SYN2: variants seen among roughly 807,000 people sequenced by gnomAD.
The protein encoded by SYN2 is synapsin II.
A neutral mutation model predicts 50.9 loss-of-function variants in SYN2; 19 were observed. The observed-to-expected ratio is 0.37, with a 90% confidence interval of 0.26 to 0.55. The LOEUF is 0.55. Ranked by LOEUF, SYN2 falls within the 20% of genes least tolerant of loss-of-function variation. SYN2 has a pLI of 0.81. For missense variants in SYN2, 587 were observed against 576.4 expected, an observed-to-expected ratio of 1.02 and a Z score of -0.19; for synonymous variants, 255 against 224.9, an observed-to-expected ratio of 1.13 and a Z score of -1.20.
intron 11 of SYN2, chr3:12,185,667 G>GTACC: frequency 1.0e-6 from 1 of 985,832 alleles, no homozygotes; most frequent in Non-Finnish European, 1.2e-6. Context: ...TATGATTGAA[G>GTACC]TACCTCTCTT....
chr3:12,079,402 A>G (rs746137386), intron 1 of SYN2, among the ~76,000 whole-genome samples: 1 of 152,162 alleles, frequency 6.6e-6, no homozygotes. Context: ...GAATGCTTAC[A>G]GCTTTTGCCC....
At chr3:12,061,792 G>GA (rs1176563997) in intron 1 of SYN2, among the ~76,000 whole-genome samples, 1 of 151,740 alleles carries the variant, frequency 6.6e-6, no homozygotes, top group African/African-American at 2.4e-5. Flanking sequence ...CACAAAAAAA[G>GA]AAAAAAGTAC....
At chr3:12,158,888 G>A (rs747781934) in intron 5 of SYN2, 144 of 1,475,860 alleles carry the variant, frequency 9.8e-5, no homozygotes, top group African/African-American at 4.2e-4. Flanking sequence ...GGGACTGGAC[G>A]GCCCCAGCAG....
intron 5 of SYN2, among the ~76,000 whole-genome samples, chr3:12,156,201 T>C (rs1697452533): frequency 6.6e-6 from 1 of 152,232 alleles, no homozygotes; most frequent in Non-Finnish European, 1.5e-5. Flanking sequence ...TTCTAAATAT[T>C]GTTTTATGTT....
rs775963520 is a variant in SYN2, at chr3:12,187,469, CTCT to C, written c.1476_1478del (p.Ser496del). Reference sequence around the variant, plus strand: ...CACTGCCACCTTCCTCCTCTTCCTCCTCTTCTTCCTCCTCCTCGGCTCCTCAGC... The same window carrying C: ...CACTGCCACCTTCCTCCTCTTCCTCCTCTTCCTCCTCCTCGGCTCCTCAGC... On this transcript the variant is annotated inframe_deletion, in exon 12 of 13. Coordinates refer to ENST00000621198, the MANE Select transcript of SYN2 (RefSeq NM_133625.6). 2.3e-5 allele frequency: 32 copies of C among 1,402,066 alleles called. No individual in the cohort carries two copies. The highest frequency in any genetic ancestry group is 2.8e-5 in the Non-Finnish European group (29 of 1,021,326). The allele number at this position is 1,402,066 out of a possible 1,614,324, so 86.9% of individuals were successfully genotyped here.
intron 11 of SYN2, chr3:12,185,724 C>T (rs998789130): frequency 2.0e-6 from 2 of 985,838 alleles, no homozygotes; most frequent in Non-Finnish European, 2.4e-6. Flanking sequence ...AAAGTTATAT[C>T]TGTCTTCAGT....
rs572383504 is a variant in SYN2 at position 12,074,418 on chromosome 3, A to G, written c.378-66233A>G. Among the ~76,000 whole-genome samples the G allele has an allele frequency of 2.0e-5, 3 of 152,190 alleles. No individual in the cohort carries two copies. In the East Asian group the frequency reaches 5.8e-4, roughly 29 times the overall value. The stretch of plus-strand genomic sequence containing the variant: ...CTTTCCTGCCTTCTACCAGATTGCA[A>G]GCCCTCCCACTCTTTTTTCAGTCCA... On this transcript the variant is annotated intron_variant, in intron 1 of 12. Coordinates refer to ENST00000621198, the MANE Select transcript of SYN2 (RefSeq NM_133625.6).
chr3:12,072,521 A>G (rs1420858524), intron 1 of SYN2, among the ~76,000 whole-genome samples: 2 of 152,206 alleles, frequency 1.3e-5, no homozygotes, highest in African/African-American at 4.8e-5. Context: ...ATAGTGGTCT[A>G]AATTCATTAT....
chr3:12,099,613 ATAACC>A (rs1293135420), intron 1 of SYN2, among the ~76,000 whole-genome samples: 1 of 152,144 alleles, frequency 6.6e-6, no homozygotes, highest in Non-Finnish European at 1.5e-5. Flanking sequence ...TTGAAAATTA[ATAACC>A]TAACTCTCCA....
At chr3:12,039,784 A>C (rs1694574677) in intron 1 of SYN2, among the ~76,000 whole-genome samples, 1 of 152,196 alleles carries the variant, frequency 6.6e-6, no homozygotes, top group African/African-American at 2.4e-5. Context: ...ATCGGGAGGA[A>C]GAAACTAAAC....
intron 1 of SYN2, among the ~76,000 whole-genome samples, chr3:12,055,686 A>G (rs926045983): frequency 7.2e-5 from 11 of 152,206 alleles, no homozygotes; most frequent in Non-Finnish European, 1.6e-4. Context: ...TTACATATTT[A>G]GTTGCCTTTC....
chr3:12,172,421 C>G (rs1286537075), intron 10 of SYN2, among the ~76,000 whole-genome samples: 1 of 152,222 alleles, frequency 6.6e-6, no homozygotes, highest in Non-Finnish European at 1.5e-5. Flanking sequence ...ACAGAACTCA[C>G]TGAAAGCTAT....
intron 1 of SYN2, among the ~76,000 whole-genome samples, chr3:12,048,928 A>G (rs1694798433): frequency 1.3e-5 from 2 of 152,170 alleles, no homozygotes; most frequent in African/African-American, 4.8e-5. Context: ...TGGATTTTAC[A>G]ATCACTTGCA....
intron 1 of SYN2, among the ~76,000 whole-genome samples, chr3:12,065,880 A>G (rs976483553): frequency 6.6e-5 from 10 of 152,226 alleles, no homozygotes; most frequent in African/African-American, 2.4e-4. Flanking sequence ...TTAAAAAGCC[A>G]GTAACAAGAG....
chr3:12,183,698 A>G, intron 11 of SYN2: 2 of 1,272,100 alleles, frequency 1.6e-6, no homozygotes, highest in Non-Finnish European at 2.0e-6. Context: ...TATACAAAAG[A>G]ATTGTGCCTC....
chr3:12,024,228 C>T (rs371610146), intron 1 of SYN2, among the ~76,000 whole-genome samples: 3 of 139,352 alleles, frequency 2.2e-5, no homozygotes, highest in Non-Finnish European at 4.5e-5. Flanking sequence ...GTGATCTCAG[C>T]TCACTGCAAC....
At chr3:12,167,392 C>G (rs1345618777) in intron 8 of SYN2, 84 bp downstream of exon 8, 2 of 1,404,832 alleles carry the variant, frequency 1.4e-6, no homozygotes, top group Non-Finnish European at 2.0e-6. Context: ...TAAGCTCTGT[C>G]CAAAGGGAGT....
At chr3:12,098,883 T>TATAAC (rs1574939607) in intron 1 of SYN2, among the ~76,000 whole-genome samples, 3 of 93,274 alleles carry the variant, frequency 3.2e-5, no homozygotes, top group East Asian at 5.0e-4. Flanking sequence ...ATATATATAA[T>TATAAC]GCAAATAGTA....
At chr3:12,023,173 G>T (rs1264473502) in intron 1 of SYN2, among the ~76,000 whole-genome samples, 1 of 151,842 alleles carries the variant, frequency 6.6e-6, no homozygotes, top group East Asian at 1.9e-4. Context: ...TTATGAAAGT[G>T]CTCTGTAAAT....
Sources: allele counts gnomAD v4.1 joint callset (sites outside exome capture counted in the v4.1 genomes callset), GRCh38; gene constraint gnomAD v4.1.1; transcripts MANE v1.5; gene names NCBI Gene and HGNC (gene_info 2026-07-23, HGNC 2026-07-21).